Variants in LRP12 observed in about 807,000 individuals in gnomAD.
LRP12 encodes low-density lipoprotein receptor-related protein 12.
In LRP12, 14 loss-of-function variants were observed where a neutral mutation model predicts 66.0. The observed-to-expected ratio is 0.21, with a 90% CI of 0.14 to 0.33. The LOEUF (loss-of-function observed/expected upper bound fraction) is 0.33, where lower values mean the gene tolerates loss of function less well. LRP12 is among the 10% of genes least tolerant of loss of function. The probability of loss-of-function intolerance (pLI) is 1.00; values close to 1 mark genes in which losing one functional copy is unlikely to be tolerated. For missense variants in LRP12, 889 were observed against 1,053.4 expected, an observed-to-expected ratio of 0.84 and a Z score of 2.16; for synonymous variants, 357 against 359.1, an observed-to-expected ratio of 0.99 and a Z score of 0.07.
In LRP12 at chr8:104,551,394, T is replaced by C. The variant is rs142694831; in HGVS notation, c.80-19431A>G. ...AAAAATAATTTCAACTTTTAGATAC[T>C]GGGGGTATATGTGCAGGTTTGTTAC... On this transcript the variant is annotated intron_variant, in intron 1 of 6. Transcript: ENST00000276654. Among the ~76,000 whole-genome samples, 637 of 152,248 alleles carry C rather than the reference T, an allele frequency of 4.2e-3. 2 individuals carry two copies. Among genetic ancestry groups the C allele is most frequent in the Non-Finnish European group, 6.5e-3 (441 of 68,006 alleles).
chr8:104,541,998 T>C (rs1311668602), intron 1 of LRP12, among the ~76,000 whole-genome samples: 1 of 152,202 alleles, frequency 6.6e-6, no homozygotes, highest in Non-Finnish European at 1.5e-5. Context: ...TGTTTTCAAT[T>C]ATCTTTAGTA....
At chr8:104,525,074 G>A (rs1418192914) in intron 2 of LRP12, among the ~76,000 whole-genome samples, 11 of 151,916 alleles carry the variant, frequency 7.2e-5, no homozygotes, top group African/African-American at 2.7e-4. Flanking sequence ...TTTAAAAAGC[G>A]ATTAAAAGAG....
At chr8:104,545,632 G>C (rs1564140724) in intron 1 of LRP12, among the ~76,000 whole-genome samples, 1 of 152,106 alleles carries the variant, frequency 6.6e-6, no homozygotes, top group Non-Finnish European at 1.5e-5. Flanking sequence ...ATGATCATTA[G>C]AATTTCGAAG....
intron 1 of LRP12, among the ~76,000 whole-genome samples, chr8:104,587,108 CTTCTAG>C (rs1258176160): frequency 2.0e-5 from 3 of 152,188 alleles, no homozygotes; most frequent in African/African-American, 7.2e-5. Flanking sequence ...AGGCAAAAGA[CTTCTAG>C]TTCAAACACT....
chr8:104,506,145 AT>A (rs1372053371), intron 3 of LRP12: 3 of 152,226 alleles, frequency 2.0e-5, no homozygotes, highest in Non-Finnish European at 4.4e-5. Context: ...TACATTACAA[AT>A]ATTAAAAAAT....
rs558812347 is a variant in LRP12, at chr8:104,523,025, T to C, written c.136+8882A>G. On this transcript the variant is annotated intron_variant, in intron 2 of 6. Coordinates refer to ENST00000276654, the MANE Select transcript of LRP12 (RefSeq NM_013437.5). The stretch of plus-strand genomic sequence containing the variant: ...TCAAAAAGTTTCTAGAGTCATTAAA[T>C]TATTTATGACCTGTGATACAGTAAT... 2.0e-5 allele frequency among the ~76,000 whole-genome samples: 3 copies of C among 152,274 alleles called. No individual in the cohort carries two copies. In the East Asian group the frequency reaches 5.8e-4, roughly 29 times the overall value.
intron 1 of LRP12, among the ~76,000 whole-genome samples, chr8:104,580,856 T>C (rs112104562): frequency 0.041 from 6,169 of 152,292 alleles, 187 homozygotes; most frequent in South Asian, 0.075. Flanking sequence ...AGTTCAATCA[T>C]TGTGGAAGAC....
At chr8:104,587,351 C>T (rs1315725676) in intron 1 of LRP12, among the ~76,000 whole-genome samples, 1 of 152,156 alleles carries the variant, frequency 6.6e-6, no homozygotes, top group African/African-American at 2.4e-5. Flanking sequence ...GCTTATTGAT[C>T]TCTGGTGTAG....
chr8:104,587,719 G>A (rs192720225), intron 1 of LRP12, among the ~76,000 whole-genome samples: 32 of 152,308 alleles, frequency 2.1e-4, no homozygotes, highest in Admixed American at 1.9e-3. Flanking sequence ...CAAATTGGCT[G>A]TTGACTAAAC....
chr8:104,579,797 T>C (rs193031039), intron 1 of LRP12, among the ~76,000 whole-genome samples: 18 of 152,294 alleles, frequency 1.2e-4, no homozygotes, highest in African/African-American at 3.4e-4. Flanking sequence ...CTAACTGATC[T>C]TCAACAAACT....
Position 104,497,537 on chromosome 8 carries a change from C to T in LRP12, c.1015G>A (p.Ala339Thr). The change falls in exon 5 of 7, where the codon GCA becomes ACA. Residue 339 changes from alanine to threonine, a missense_variant. Coordinates refer to ENST00000276654, the MANE Select transcript of LRP12 (RefSeq NM_013437.5). This position sits in a 1 kb window ranked among gnomAD's most constrained non-coding sequence, Gnocchi z 4.3. ...LRVLTAFDSHAPLTVVSSSGQ... is the reference protein window; with the variant it reads ...LRVLTAFDSHTPLTVVSSSGQ... ...GAAGAAGAAACAACTGTAAGAGGTG[C>T]ATGAGAATCAAAAGCTGTCAACACA... 1 of 1,613,826 alleles carries T rather than the reference C, an allele frequency of 6.2e-7. No individual in the cohort carries two copies. Among genetic ancestry groups the T allele is most frequent in the Non-Finnish European group, 8.5e-7 (1 of 1,179,928 alleles).
intron 2 of LRP12, among the ~76,000 whole-genome samples, chr8:104,520,336 G>A (rs1811128552): frequency 6.6e-6 from 1 of 151,862 alleles, no homozygotes; most frequent in African/African-American, 2.4e-5. Flanking sequence ...AAGCACTACA[G>A]AAGACTAAAA....
At chr8:104,522,977 C>T (rs1378849876) in intron 2 of LRP12, among the ~76,000 whole-genome samples, 1 of 152,048 alleles carries the variant, frequency 6.6e-6, no homozygotes, top group Non-Finnish European at 1.5e-5. Flanking sequence ...TAAATTAGTA[C>T]ATCCTTTTTG....
chr8:104,537,801 TAAAAG>T (rs947934150), intron 1 of LRP12, among the ~76,000 whole-genome samples: 4 of 151,638 alleles, frequency 2.6e-5, no homozygotes, highest in Non-Finnish European at 4.4e-5. Flanking sequence ...AAACATAGAG[TAAAAG>T]AAGTAACACA....
At chr8:104,574,602 T>A (rs999069802) in intron 1 of LRP12, among the ~76,000 whole-genome samples, 1 of 152,154 alleles carries the variant, frequency 6.6e-6, no homozygotes. Context: ...ACAGCTTTAA[T>A]AGACACTGTT....
rs543974056 is a variant in LRP12, at chr8:104,499,573, C to T, written c.273-54G>A. The T allele has an allele frequency of 3.0e-5, 38 of 1,276,198 alleles. 1 individual carries two copies. The highest frequency in any genetic ancestry group is 2.1e-4 in the African/African-American group (14 of 67,146). 79.1% of individuals were successfully genotyped at this position (1,276,198 alleles called of 1,614,324 possible). ...AAAAGTCAATTTTGGAAAAAAAAAT[C>T]GTATTACAAAGTAACTGAGGATATT... On this transcript the variant is annotated intron_variant, in intron 3 of 6. Transcript: ENST00000276654.
chr8:104,589,225 G>C lies in LRP12; in HGVS notation c.-328C>G, dbSNP rs954922685. Among the ~76,000 whole-genome samples, 2 of 151,562 alleles carry C rather than the reference G, an allele frequency of 1.3e-5. No individual in the cohort carries two copies. The highest frequency in any genetic ancestry group is 2.4e-5 in the African/African-American group (1 of 41,342). On this transcript the variant is annotated 5_prime_UTR_variant, in exon 1 of 7. Transcript: ENST00000276654. ...GGACGCCGGACTCCGGCCTCGCGCC[G>C]CTCGGGCTAGCCGGCGCCGCCACTC...
In LRP12 at chr8:104,521,887, T is replaced by C. The variant is rs117319049; in HGVS notation, c.136+10020A>G. Among the ~76,000 whole-genome samples the C allele has an allele frequency of 6.0e-3, 917 of 152,078 alleles. 9 individuals carry two copies. Among genetic ancestry groups the C allele is most frequent in the Admixed American group, 0.012 (190 of 15,254 alleles). ...GAGGTCCAGGTACCTAATTGAATAA[T>C]TGTAAAATAATATTAAAATTACATA... is the stretch of plus-strand genomic sequence containing the variant. On this transcript the variant is annotated intron_variant, in intron 2 of 6. Coordinates refer to ENST00000276654, the MANE Select transcript of LRP12 (RefSeq NM_013437.5).
At chr8:104,539,117 T>C (rs1811428701) in intron 1 of LRP12, among the ~76,000 whole-genome samples, 1 of 152,288 alleles carries the variant, frequency 6.6e-6, no homozygotes, top group Middle Eastern at 3.4e-3. Context: ...AATAACAAAC[T>C]GTGGACCTCA....
Sources: allele counts gnomAD v4.1 joint callset (sites outside exome capture counted in the v4.1 genomes callset), GRCh38; gene constraint gnomAD v4.1.1; non-coding constraint Gnocchi (gnomAD v3.1); transcripts MANE v1.5; gene names NCBI Gene and HGNC (gene_info 2026-07-23, HGNC 2026-07-21).